Variants in FARP2 observed in about 807,000 individuals in gnomAD.
FARP2 encodes the protein FERM, ARH/RhoGEF and pleckstrin domain protein 2, also known as FERM, ARHGEF and pleckstrin domain-containing protein 2.
In FARP2, 111 loss-of-function variants were observed where a neutral mutation model predicts 130.5. The ratio of observed to expected loss-of-function variants is 0.85; its 90% CI spans 0.73 to 1.00. The LOEUF (loss-of-function observed/expected upper bound fraction) is 1.00, where lower values mean the gene tolerates loss of function less well. FARP2 is among the 50% of genes least tolerant of loss of function. The pLI is 0.00. For missense variants in FARP2, 1,385 were observed against 1,346.3 expected (o/e 1.03, Z -0.45); for synonymous variants, 504 against 516.9 (o/e 0.98, Z 0.34).
chr2:241,472,294 A>G (rs1290623636), intron 18 of FARP2, among the ~76,000 whole-genome samples: 1 of 104,714 alleles, frequency 9.5e-6, no homozygotes, highest in East Asian at 2.6e-4. Flanking sequence ...TGATCCTGTT[A>G]TGAAGGAATC....
At chr2:241,446,729 T>G (rs1448270804) in intron 13 of FARP2, 1 of 152,118 alleles carries the variant, frequency 6.6e-6, no homozygotes, top group Non-Finnish European at 1.5e-5. Flanking sequence ...TTGAAAATAT[T>G]TGTATAGATT....
At chr2:241,418,532 G>C (rs1214253385) in intron 8 of FARP2, among the ~76,000 whole-genome samples, 3 of 152,166 alleles carry the variant, frequency 2.0e-5, no homozygotes, top group Non-Finnish European at 4.4e-5. Flanking sequence ...TGGACTGTGA[G>C]CGCTTTAGAG....
chr2:241,481,852 G>A (rs1320626974), intron 19 of FARP2, among the ~76,000 whole-genome samples: 1 of 152,178 alleles, frequency 6.6e-6, no homozygotes. Flanking sequence ...ATGTGGCCTG[G>A]GCAGGCTGCG....
At chr2:241,416,106 A>G (rs760860915) in intron 7 of FARP2, among the ~76,000 whole-genome samples, 2 of 141,066 alleles carry the variant, frequency 1.4e-5, no homozygotes, top group African/African-American at 5.0e-5. Flanking sequence ...CTATGCATGC[A>G]TTGTGTGTGT....
At chr2:241,363,416 G>T (rs578091324) in intron 1 of FARP2, among the ~76,000 whole-genome samples, 1 of 152,356 alleles carries the variant, frequency 6.6e-6, no homozygotes, top group East Asian at 1.9e-4. Context: ...TGGCTAAACG[G>T]AGTAATTAAA....
chr2:241,362,551 G>A (rs1233172776), intron 1 of FARP2, among the ~76,000 whole-genome samples: 3 of 152,248 alleles, frequency 2.0e-5, no homozygotes, highest in African/African-American at 4.8e-5. Context: ...GCAGTGAGGC[G>A]AGATTGCGCC....
intron 2 of FARP2, among the ~76,000 whole-genome samples, chr2:241,382,517 A>G (rs1201581913): frequency 6.6e-6 from 1 of 152,128 alleles, no homozygotes; most frequent in East Asian, 1.9e-4. Context: ...TCCTGGGCTC[A>G]AGCCGTATAC....
chr2:241,455,735 CTTTTTTT>C (rs1180839402), intron 13 of FARP2, among the ~76,000 whole-genome samples: 3,779 of 94,842 alleles, frequency 0.04, 163 homozygotes, highest in African/African-American at 0.13. Flanking sequence ...CTAAAGTTTT[CTTTTTTT>C]TTTTTTTTTT....
chr2:241,410,573 G>T (rs1443344906), intron 5 of FARP2, among the ~76,000 whole-genome samples: 1 of 152,008 alleles, frequency 6.6e-6, no homozygotes, highest in African/African-American at 2.4e-5. Context: ...TGGGATTACA[G>T]GTGTGCACAC....
At chr2:241,410,909 T>G in intron 5 of FARP2, 124 bp from the exon 6 acceptor site, 1 of 651,980 alleles carries the variant, frequency 1.5e-6, no homozygotes, top group Non-Finnish European at 2.7e-6. Flanking sequence ...CCTTGCGTTT[T>G]GCTCACTGTT....
chr2:241,424,875 T>G (rs760013959), intron 8 of FARP2, among the ~76,000 whole-genome samples: 1 of 152,070 alleles, frequency 6.6e-6, no homozygotes, highest in Admixed American at 6.6e-5. Context: ...CCTGGACACA[T>G]ACGCTCTCCC....
intron 17 of FARP2, among the ~76,000 whole-genome samples, chr2:241,464,881 A>C (rs960295557): frequency 3.9e-5 from 6 of 152,030 alleles, no homozygotes; most frequent in Non-Finnish European, 8.8e-5. Context: ...GGCAATGTCC[A>C]GGGCCCCATC....
chr2:241,470,790 C>A, intron 18 of FARP2, among the ~76,000 whole-genome samples: 1 of 151,392 alleles, frequency 6.6e-6, no homozygotes, highest in East Asian at 2.0e-4. Flanking sequence ...GGACCCTGTT[C>A]TTAGGAGGAT....
At chr2:241,389,811 A>T (rs1449959252) in intron 2 of FARP2, among the ~76,000 whole-genome samples, 1 of 152,082 alleles carries the variant, frequency 6.6e-6, no homozygotes, top group African/African-American at 2.4e-5. Context: ...TATTTTGATC[A>T]CCCATCTTTG....
At chr2:241,404,943 G>T in intron 4 of FARP2, 102 bp downstream of exon 4, 1 of 850,558 alleles carries the variant, frequency 1.2e-6, no homozygotes, top group Non-Finnish European at 1.9e-6. Context: ...CACCGTGTAT[G>T]GTTAGCAAGA....
chr2:241,392,485 A>G (rs947755754), intron 2 of FARP2, among the ~76,000 whole-genome samples: 2 of 152,218 alleles, frequency 1.3e-5, no homozygotes, highest in Non-Finnish European at 2.9e-5. Context: ...ACGATTGTAG[A>G]AGAGCTAGGG....
At chr2:241,493,559 G>C (rs1023562349) in intron 26 of FARP2, 115 bp downstream of exon 26, 1 of 916,876 alleles carries the variant, frequency 1.1e-6, no homozygotes, top group Non-Finnish European at 1.7e-6. Flanking sequence ...GAAGGGCTGA[G>C]CAATGCTTCC....
chr2:241,474,836 T>TAAATAAATAAAA (rs1553734017), intron 18 of FARP2, among the ~76,000 whole-genome samples: 4 of 146,150 alleles, frequency 2.7e-5, no homozygotes, highest in East Asian at 4.0e-4. Context: ...AATAAATAAA[T>TAAATAAATAAAA]AAAAAGAAAG....
At position 241,375,616 on chromosome 2, in the gene FARP2, T is replaced by G. The variant is rs528937033; in HGVS notation, c.183+2326T>G. Among the ~76,000 whole-genome samples the G allele has an allele frequency of 2.6e-5, 4 of 152,364 alleles. No individual in the cohort carries two copies. In the East Asian group the frequency reaches 7.7e-4, roughly 29 times the overall value. ...AATATTTAGAGCTTGTCAGTTTTAA[T>G]AAATTGAGATTATGGTTTCAGTTAA... On this transcript the variant is annotated intron_variant, in intron 2 of 26. Transcript: ENST00000264042.
Sources: allele counts gnomAD v4.1 joint callset (sites outside exome capture counted in the v4.1 genomes callset), GRCh38; gene constraint gnomAD v4.1.1; transcripts MANE v1.5; gene names NCBI Gene and HGNC (gene_info 2026-07-23, HGNC 2026-07-21).